The following QSOX1 variants were observed in gnomAD, a reference collection of about 807,000 sequenced individuals.
QSOX1 encodes the protein sulfhydryl oxidase 1.
Under a neutral mutation model 76.1 loss-of-function variants are expected in QSOX1, and 40 were observed. The observed-to-expected ratio is 0.53, with a 90% confidence interval of 0.41 to 0.68. The LOEUF is 0.68. Among genes scored for constraint, QSOX1 ranks in the 30% least tolerant of loss-of-function variants. The probability of loss-of-function intolerance (pLI) is 0.00; values close to 1 mark genes in which losing one functional copy is unlikely to be tolerated. For missense variants in QSOX1, 931 were observed against 974.3 expected (o/e 0.96, Z 0.59); for synonymous variants, 392 against 413.1 (o/e 0.95, Z 0.62).
intron 6 of QSOX1, among the ~76,000 whole-genome samples, chr1:180,182,971 G>A (rs1053219499): frequency 5.3e-5 from 8 of 152,146 alleles, no homozygotes; most frequent in East Asian, 1.9e-4. Flanking sequence ...ACACGGCGCC[G>A]GGCAGGGTGG....
chr1:180,162,994 G>A (rs1400458313), intron 1 of QSOX1, among the ~76,000 whole-genome samples: 2 of 152,112 alleles, frequency 1.3e-5, no homozygotes, highest in East Asian at 1.9e-4. Context: ...TCTTTCTTTA[G>A]GAGAATTACC....
chr1:180,165,015 G>T lies in QSOX1; in HGVS notation c.266-1476G>T, dbSNP rs117417573. On this transcript the variant is annotated intron_variant, in intron 1 of 11. Transcript: ENST00000367602. The stretch of plus-strand genomic sequence containing the variant: ...CACTCGTTATCAAGGGGGCAGTGCC[G>T]AGCTGTTCATGAGGGATCTGCCCCC... Among the ~76,000 whole-genome samples the T allele has an allele frequency of 1.7e-3, 253 of 152,218 alleles. 6 individuals are homozygous for T. In the East Asian group the frequency reaches 0.044, roughly 27 times the overall value.
intron 1 of QSOX1, among the ~76,000 whole-genome samples, chr1:180,158,383 C>G (rs1238035603): frequency 6.6e-6 from 1 of 152,240 alleles, no homozygotes; most frequent in Non-Finnish European, 1.5e-5. Context: ...CAGCACAGAG[C>G]CTGGTGCAGA....
intron 1 of QSOX1, among the ~76,000 whole-genome samples, chr1:180,156,706 CAGTGCT>C (rs1662383328): frequency 6.6e-6 from 1 of 152,202 alleles, no homozygotes; most frequent in African/African-American, 2.4e-5. Context: ...CCTTTCTGAG[CAGTGCT>C]TCACACCATT....
At position 180,186,096 on chromosome 1, in the gene QSOX1, A is replaced by C. The variant is rs1572051281; in HGVS notation, c.931A>C (p.Ile311Leu). The change falls in exon 8 of 12, where the codon ATC becomes CTC. Residue 311 changes from isoleucine to leucine, a missense_variant. Ile to Leu is a conservative substitution (Grantham distance 5). Coordinates refer to ENST00000367602, the MANE Select transcript of QSOX1 (RefSeq NM_002826.5). ...TGACCTGGAATCTGCACTGCACTAC[A>C]TCCTGCGGATAGAAGTGGGCAGGTT... ...MADLESALHY[I>L]LRIEVGRFPV... 1 of 1,614,056 alleles carries C rather than the reference A, an allele frequency of 6.2e-7. No homozygotes were observed. The highest frequency in any genetic ancestry group is 8.5e-7 in the Non-Finnish European group (1 of 1,179,908).
rs1663478572 is a variant in QSOX1, at chr1:180,196,103, G to T, written c.1469-159G>T. The stretch of plus-strand genomic sequence containing the variant: ...TCTGTTGAGCTCCCACTGTGGGCTA[G>T]TGTTTGTAATCTGTATTTTCTAATT... On this transcript the variant is annotated intron_variant, in intron 11 of 11. Transcript: ENST00000367602. This position sits in a 1 kb window ranked among gnomAD's most constrained non-coding sequence, Gnocchi z 4.1. 1.3e-5 allele frequency among the ~76,000 whole-genome samples: 2 copies of T among 152,190 alleles called. No homozygotes were observed. The highest frequency in any genetic ancestry group is 4.1e-4 in the South Asian group (2 of 4,830).
intron 4 of QSOX1, 24 bp from the exon 5 acceptor site, chr1:180,178,770 G>T: frequency 6.2e-7 from 1 of 1,603,696 alleles, no homozygotes; most frequent in South Asian, 1.1e-5. Context: ...TGTGCAGAGT[G>T]ACTGCCAGAA....
Position 180,175,931 on chromosome 1 carries a change from T to G in QSOX1, c.413T>G (p.Val138Gly). The change falls in exon 4 of 12, where the codon GTG becomes GGG. Residue 138 changes from valine to glycine, a missense_variant and splice_region_variant. Val to Gly is a moderately radical substitution (Grantham distance 109). Coordinates refer to ENST00000367602, the MANE Select transcript of QSOX1 (RefSeq NM_002826.5). Reference sequence around the variant, plus strand: ...CGCTCACGCCTGTTTTCATTTACAGTGGCTGGTGCTGACGTGCAGACACTG... The same window carrying G: ...CGCTCACGCCTGTTTTCATTTACAGGGGCTGGTGCTGACGTGCAGACACTG... ...TKNGSGAVFP[V>G]AGADVQTLRE... The G allele has an allele frequency of 6.3e-7, 1 of 1,587,876 alleles. No individual in the cohort carries two copies. Among genetic ancestry groups the G allele is most frequent in the Non-Finnish European group, 8.6e-7 (1 of 1,167,270 alleles).
intron 8 of QSOX1, 34 bp downstream of exon 8, chr1:180,186,216 A>C: frequency 1.3e-6 from 2 of 1,590,358 alleles, no homozygotes; most frequent in Non-Finnish European, 1.7e-6. Flanking sequence ...TGTCTGTGCA[A>C]TTCTACGGAT....
rs1663529898 is a variant in QSOX1 at position 180,197,467 on chromosome 1, C to G, written c.*430C>G. 7.1e-7 allele frequency: 1 copy of G among 1,416,956 alleles called. No individual in the cohort carries two copies. The highest frequency in any genetic ancestry group is 1.2e-5 in the South Asian group (1 of 83,912). The allele number at this position is 1,416,956 out of a possible 1,614,324, so 87.8% of individuals were successfully genotyped here. A position where few individuals can be genotyped will look rare whatever the true frequency, so the allele number is the denominator to read the frequency against. The stretch of plus-strand genomic sequence containing the variant: ...CTGGAATGGAACTCCTCACTAGCTG[C>G]TGGGGCTCCGCCCACCCTGCTCCCT... On this transcript the variant is annotated 3_prime_UTR_variant, in exon 12 of 12. Coordinates refer to ENST00000367602, the MANE Select transcript of QSOX1 (RefSeq NM_002826.5).
intron 1 of QSOX1, 65 bp downstream of exon 1, chr1:180,155,237 G>GGCA (rs1305686165): frequency 7.3e-7 from 1 of 1,375,496 alleles, no homozygotes; most frequent in African/African-American, 1.5e-5. Context: ...CTGCCCGGTG[G>GGCA]GCAGCCTCCT....
chr1:180,163,384 T>C (rs1381031088), intron 1 of QSOX1, among the ~76,000 whole-genome samples: 1 of 152,236 alleles, frequency 6.6e-6, no homozygotes, highest in Non-Finnish European at 1.5e-5. Context: ...ATGTCCCTTA[T>C]TATTTTTAGT....
At chr1:180,193,173 C>A (rs1274695678) in intron 10 of QSOX1, among the ~76,000 whole-genome samples, 1 of 151,964 alleles carries the variant, frequency 6.6e-6, no homozygotes, top group African/African-American at 2.4e-5. Context: ...TCCTTTTCCC[C>A]AGTTGGAATG....
chr1:180,184,496 A>T (rs1436796276), intron 7 of QSOX1, among the ~76,000 whole-genome samples: 1 of 151,880 alleles, frequency 6.6e-6, no homozygotes, highest in Non-Finnish European at 1.5e-5. Context: ...TGCAGACCCT[A>T]CAGCATCCCT....
chr1:180,155,581 T>C (rs1410946765), intron 1 of QSOX1, among the ~76,000 whole-genome samples: 1 of 152,216 alleles, frequency 6.6e-6, no homozygotes, highest in Non-Finnish European at 1.5e-5. Flanking sequence ...CCATGTCATC[T>C]TCCTGCCAGG....
At chr1:180,176,377 G>A (rs1259340468) in intron 4 of QSOX1, among the ~76,000 whole-genome samples, 1 of 152,232 alleles carries the variant, frequency 6.6e-6, no homozygotes, top group African/African-American at 2.4e-5. Flanking sequence ...AAATGTTTGC[G>A]GGACGCAGCA....
At position 180,203,812 on chromosome 1, in the gene QSOX1, C is replaced by T. The variant is rs1261748155; in HGVS notation, c.*6775C>T. 6.6e-6 allele frequency: 1 copy of T among 152,206 alleles called. No individual in the cohort carries two copies. The highest frequency in any genetic ancestry group is 2.4e-5 in the African/African-American group (1 of 41,444). The allele number at this position is 152,206 out of a possible 1,614,324, so 9.4% of individuals were successfully genotyped here. A position where few individuals can be genotyped will look rare whatever the true frequency, so the allele number is the denominator to read the frequency against. On this transcript the variant is annotated 3_prime_UTR_variant, in exon 12 of 12. Coordinates refer to ENST00000367602, the MANE Select transcript of QSOX1 (RefSeq NM_002826.5). ...AAGGCAATCCAGTTAAACTGTATATCCCACTTGCTGTTTTCTGTCCCTAAA... is the reference window on the plus strand; with the variant it reads ...AAGGCAATCCAGTTAAACTGTATATTCCACTTGCTGTTTTCTGTCCCTAAA...
chr1:180,193,166 T>A (rs1469131594), intron 10 of QSOX1, among the ~76,000 whole-genome samples: 1 of 151,986 alleles, frequency 6.6e-6, no homozygotes, highest in African/African-American at 2.4e-5. Context: ...ATGATCATCC[T>A]TTTCCCCAGT....
At chr1:180,182,877 C>G (rs117812122) in intron 6 of QSOX1, among the ~76,000 whole-genome samples, 1 of 152,196 alleles carries the variant, frequency 6.6e-6, no homozygotes, top group Non-Finnish European at 1.5e-5. Flanking sequence ...AGCCAGGCCC[C>G]GCAGGCAGGA....
Sources: gnomAD v4.1 joint callset for allele counts (sites outside exome capture counted in the v4.1 genomes callset) on GRCh38, gnomAD v4.1.1 for gene constraint, Gnocchi (gnomAD v3.1) non-coding constraint, MANE v1.5 for transcripts, NCBI Gene and HGNC (gene_info 2026-07-23, HGNC 2026-07-21) for gene names.